The following RAD51C variants were observed in gnomAD, a reference collection of about 807,000 sequenced individuals.
RAD51C encodes the protein DNA repair protein RAD51 homolog 3.
Under a neutral mutation model 45.0 loss-of-function variants are expected in RAD51C, and 42 were observed. The ratio of observed to expected loss-of-function variants is 0.93; its 90% CI spans 0.73 to 1.21. The LOEUF (loss-of-function observed/expected upper bound fraction) is 1.21, where lower values mean the gene tolerates loss of function less well. RAD51C is among the 50% of genes most tolerant of loss of function. RAD51C has a pLI of 0.00. For missense variants in RAD51C, 474 were observed against 452.2 expected (o/e 1.05, Z -0.44); for synonymous variants, 172 against 159.8 (o/e 1.08, Z -0.58).
chr17:58,695,242 G>A (rs1036501968), intron 2 of RAD51C, 53 bp downstream of exon 2: 1 of 1,554,088 alleles, frequency 6.4e-7, no homozygotes, highest in Non-Finnish European at 8.7e-7. Context: ...TATTATGAAA[G>A]TAGTATTTTG....
rs769805931 is a variant in RAD51C, at chr17:58,730,332, T to A, written c.966-2152T>A. Among the ~76,000 whole-genome samples the A allele has an allele frequency of 6.7e-3, 809 of 120,382 alleles. 5 individuals carry two copies. Among genetic ancestry groups the A allele is most frequent in the African/African-American group, 0.011 (335 of 30,166 alleles). The allele number at this position is 120,382 out of a possible 152,430, so 79.0% of individuals were successfully genotyped here. On this transcript the variant is annotated intron_variant, in intron 7 of 8. Coordinates refer to ENST00000337432, the MANE Select transcript of RAD51C (RefSeq NM_058216.3). Reference sequence around the variant, plus strand: ...GGTGCGTGCCACCACGCCCAGCTAATTTTTTTTTTTTTTTTTTGTATCTTT... The same window carrying A: ...GGTGCGTGCCACCACGCCCAGCTAAATTTTTTTTTTTTTTTTTGTATCTTT...
chr17:58,711,256 A>G (rs537340617), intron 5 of RAD51C, among the ~76,000 whole-genome samples: 276 of 152,344 alleles, frequency 1.8e-3, no homozygotes, highest in African/African-American at 6.3e-3. Context: ...AATAACATCA[A>G]ATAGTAGGTA....
chr17:58,725,299 A>T (rs2143971803), intron 7 of RAD51C, among the ~76,000 whole-genome samples: 1 of 152,262 alleles, frequency 6.6e-6, no homozygotes, highest in South Asian at 2.1e-4. Flanking sequence ...TCACAAAAGG[A>T]GTTATTTTCT....
At position 58,692,662 on chromosome 17, in the gene RAD51C, C is replaced by A. The variant is rs759759863; in HGVS notation, c.19C>A (p.Arg7Ser). Reference sequence around the variant, plus strand: ...GCCTGCGATGCGCGGGAAGACGTTCCGCTTTGAAATGCAGCGGGATTTGGT... The same window carrying A: ...GCCTGCGATGCGCGGGAAGACGTTCAGCTTTGAAATGCAGCGGGATTTGGT... MRGKTFRFEMQRDLVSF... is the reference protein window; with the variant it reads MRGKTFSFEMQRDLVSF... Residue 7 changes from arginine (R) to serine (S), a missense_variant, in exon 1 of 9, where the codon CGC becomes AGC. Arg to Ser is a moderately radical substitution (Grantham distance 110). Transcript: ENST00000337432. 1.9e-6 allele frequency: 3 copies of A among 1,614,076 alleles called. No individual in the cohort carries two copies. The African/African-American group carries it at 4.0e-5, about 22-fold the overall frequency.
rs876658482 is a variant in RAD51C at position 58,692,639 on chromosome 17, C to G, written c.-5C>G. 6.2e-7 allele frequency: 1 copy of G among 1,613,946 alleles called. No individual in the cohort carries two copies. Among genetic ancestry groups the G allele is most frequent in the South Asian group, 1.1e-5 (1 of 91,078 alleles). On this transcript the variant is annotated 5_prime_UTR_variant, in exon 1 of 9. Coordinates refer to ENST00000337432, the MANE Select transcript of RAD51C (RefSeq NM_058216.3). ...GCTGCTCCGGGGTTAGCAGGTGAGC[C>G]TGCGATGCGCGGGAAGACGTTCCGC...
At position 58,692,806 on chromosome 17, in the gene RAD51C, C is replaced by G. The variant is rs763292447; in HGVS notation, c.145+18C>G. The G allele has an allele frequency of 5.6e-6, 9 of 1,614,120 alleles. No individual in the cohort carries two copies. Among genetic ancestry groups the G allele is most frequent in the Non-Finnish European group, 7.6e-6 (9 of 1,180,002 alleles). ...TAGCAAAGGTAACGACTCCTGATGG[C>G]AAGCTGAGGCACACCGGCCGCCGTC... On this transcript the variant is annotated intron_variant, in intron 1 of 8. Coordinates refer to ENST00000337432, the MANE Select transcript of RAD51C (RefSeq NM_058216.3).
chr17:58,724,087 G>A lies in RAD51C; in HGVS notation c.952G>A (p.Asp318Asn), dbSNP rs876659875. The change falls in exon 7 of 9, where the codon GAC (aspartate) becomes AAC (asparagine). Residue 318 changes from aspartate (D) to asparagine (N), a missense_variant. By Grantham distance (23) the Asp-to-Asn change is conservative (BLOSUM62 1). Coordinates refer to ENST00000337432, the MANE Select transcript of RAD51C (RefSeq NM_058216.3). ...TACAATACGGCTAATCTTTCATTGG[G>A]ACCGAAAGCAAAGGTCAGTACAGAA... The part of the protein sequence containing the change: ...AATIRLIFHW[D>N]RKQRLATLYK... 1 of 1,612,706 alleles carries A rather than the reference G, an allele frequency of 6.2e-7. No homozygotes were observed. Among genetic ancestry groups the A allele is most frequent in the Non-Finnish European group, 8.5e-7 (1 of 1,178,780 alleles).
chr17:58,720,958 G>A (rs558857482), intron 6 of RAD51C, 146 bp downstream of exon 6: 56 of 678,580 alleles, frequency 8.3e-5, no homozygotes, highest in South Asian at 6.7e-4. Context: ...GCACAGTACC[G>A]TTAGATACTG....
At chr17:58,731,262 T>G (rs1257950202) in intron 7 of RAD51C, among the ~76,000 whole-genome samples, 3 of 151,864 alleles carry the variant, frequency 2.0e-5, no homozygotes, top group Non-Finnish European at 2.9e-5. Context: ...AAAGCAGTTT[T>G]TTTTTTTTTT....
intron 8 of RAD51C, among the ~76,000 whole-genome samples, chr17:58,733,914 C>T (rs969552093): frequency 2.0e-5 from 3 of 152,028 alleles, no homozygotes; most frequent in African/African-American, 7.2e-5. Context: ...AGATAGGGGT[C>T]ACCATGTTGG....
At chr17:58,732,668 A>G (rs1381532629) in intron 8 of RAD51C, 124 bp downstream of exon 8, 1 of 890,708 alleles carries the variant, frequency 1.1e-6, no homozygotes, top group African/African-American at 1.7e-5. Context: ...ACAGCTTTTG[A>G]TGCTTAGAAC....
intron 7 of RAD51C, among the ~76,000 whole-genome samples, chr17:58,730,936 T>G (rs1567816261): frequency 6.6e-6 from 1 of 152,180 alleles, no homozygotes; most frequent in African/African-American, 2.4e-5. Flanking sequence ...AAATGCTAAC[T>G]CATTCTTTTT....
At chr17:58,697,672 T>G (rs563808040) in intron 3 of RAD51C, among the ~76,000 whole-genome samples, 63 of 152,116 alleles carry the variant, frequency 4.1e-4, no homozygotes, top group Non-Finnish European at 7.4e-4. Context: ...TTGGGAGGTG[T>G]TGTTTTGGTG....
intron 5 of RAD51C, among the ~76,000 whole-genome samples, chr17:58,719,184 A>C (rs2048833771): frequency 6.6e-6 from 1 of 151,694 alleles, no homozygotes; most frequent in Admixed American, 6.6e-5. Flanking sequence ...AGATCGCGCC[A>C]TTGCACTCCA....
At chr17:58,698,793 G>A (rs1489760279) in intron 3 of RAD51C, among the ~76,000 whole-genome samples, 1 of 150,888 alleles carries the variant, frequency 6.6e-6, no homozygotes, top group Non-Finnish European at 1.5e-5. Context: ...ATGGTGGCAG[G>A]TACCTGTAAT....
At chr17:58,709,834 C>A (rs2048491598) in intron 4 of RAD51C, 25 bp from the exon 5 acceptor site, 6 of 1,585,320 alleles carry the variant, frequency 3.8e-6, no homozygotes, top group Non-Finnish European at 5.2e-6. Flanking sequence ...CGTAACAAAT[C>A]TAATATTATC....
At chr17:58,719,653 G>T (rs2048847605) in intron 5 of RAD51C, among the ~76,000 whole-genome samples, 1 of 151,824 alleles carries the variant, frequency 6.6e-6, no homozygotes, top group Non-Finnish European at 1.5e-5. Flanking sequence ...CATCTCTAAA[G>T]TATGAAAATA....
chr17:58,734,583 A>AT lies in RAD51C; in HGVS notation c.*363dup. The AT allele has an allele frequency of 2.3e-5, 3 of 131,204 alleles. No individual in the cohort carries two copies. Among genetic ancestry groups the AT allele is most frequent in the East Asian group, 2.2e-4 (1 of 4,616 alleles). 8.1% of individuals were successfully genotyped at this position (131,204 alleles called of 1,614,324 possible). ...TTAGGAAGAAACATATCATATTCTT[A>AT]TTGTGTTTTTTTTTTTTTTTTTTTT... On this transcript the variant is annotated 3_prime_UTR_variant, in exon 9 of 9. Transcript: ENST00000337432.
intron 3 of RAD51C, among the ~76,000 whole-genome samples, chr17:58,701,065 T>A (rs2048195934): frequency 6.6e-6 from 1 of 151,856 alleles, no homozygotes; most frequent in Non-Finnish European, 1.5e-5. Flanking sequence ...GCCCAGCTAA[T>A]TTTTTTTGCA....
Sources: gnomAD v4.1 joint callset for allele counts (sites outside exome capture counted in the v4.1 genomes callset) on GRCh38, gnomAD v4.1.1 for gene constraint, MANE v1.5 for transcripts, NCBI Gene and HGNC (gene_info 2026-07-23, HGNC 2026-07-21) for gene names.